The following BRINP1 variants were observed in gnomAD, a reference collection of about 807,000 sequenced individuals.
BRINP1 encodes BMP/retinoic acid inducible neural specific 1, also known as BMP/retinoic acid-inducible neural-specific protein 1.
BRINP1 carries 17 observed loss-of-function variants against 72.9 expected under a neutral mutation model. The ratio of observed to expected loss-of-function variants is 0.23; its 90% CI spans 0.16 to 0.35. The LOEUF (loss-of-function observed/expected upper bound fraction) is 0.35. Among genes scored for constraint, BRINP1 ranks in the 10% least tolerant of loss-of-function variants. The pLI is 1.00. For missense variants in BRINP1, 850 were observed against 1,001.6 expected, an observed-to-expected ratio of 0.85 and a Z score of 2.04; for synonymous variants, 418 against 378.5, an observed-to-expected ratio of 1.10 and a Z score of -1.21.
intron 3 of BRINP1, among the ~76,000 whole-genome samples, 166 bp from the exon 4 acceptor site, chr9:119,242,382 G>T (rs182929538): frequency 6.6e-6 from 1 of 152,208 alleles, no homozygotes; most frequent in Admixed American, 6.5e-5. Context: ...CTGTCTAGAG[G>T]TGGCTGTAAA....
At chr9:119,280,543 CA>C (rs1246402050) in intron 2 of BRINP1, among the ~76,000 whole-genome samples, 1 of 151,948 alleles carries the variant, frequency 6.6e-6, no homozygotes, top group Non-Finnish European at 1.5e-5. Flanking sequence ...CGCACCCAGC[CA>C]AAATATCTAG....
intron 7 of BRINP1, among the ~76,000 whole-genome samples, chr9:119,175,859 C>G (rs541357932): frequency 1.3e-5 from 2 of 152,242 alleles, no homozygotes; most frequent in South Asian, 4.1e-4. Flanking sequence ...AGGGTATATT[C>G]ACTCCAATTT....
intron 7 of BRINP1, among the ~76,000 whole-genome samples, chr9:119,168,918 G>A (rs1401608923): frequency 6.6e-6 from 1 of 152,188 alleles, no homozygotes; most frequent in Admixed American, 6.5e-5. Context: ...GTGGAAGACA[G>A]TGTGGCGATT....
At chr9:119,257,748 T>C (rs1830459330) in intron 2 of BRINP1, among the ~76,000 whole-genome samples, 2 of 151,972 alleles carry the variant, frequency 1.3e-5, no homozygotes, top group Non-Finnish European at 1.5e-5. Context: ...AGAAGGCATT[T>C]CTCTTGCCTG....
At chr9:119,170,794 C>A (rs112474275) in intron 7 of BRINP1, among the ~76,000 whole-genome samples, 34 of 139,418 alleles carry the variant, frequency 2.4e-4, no homozygotes, top group East Asian at 1.6e-3. Context: ...CGGCAGAAAC[C>A]CTACAAGCCA....
At chr9:119,193,617 C>A (rs1166151240) in intron 7 of BRINP1, among the ~76,000 whole-genome samples, 2 of 152,152 alleles carry the variant, frequency 1.3e-5, no homozygotes, top group East Asian at 3.8e-4. Flanking sequence ...ACTATAGTAA[C>A]CATTTTGCTG....
chr9:119,188,216 A>T (rs973457119), intron 7 of BRINP1, among the ~76,000 whole-genome samples: 8 of 152,286 alleles, frequency 5.3e-5, no homozygotes, highest in South Asian at 4.1e-4. Flanking sequence ...CACAAAGCTC[A>T]TAGGTTCCCA....
intron 2 of BRINP1, among the ~76,000 whole-genome samples, chr9:119,296,274 C>T (rs1182458715): frequency 6.6e-6 from 1 of 152,132 alleles, no homozygotes; most frequent in African/African-American, 2.4e-5. Flanking sequence ...AAATGGCCAA[C>T]AGGTACACAA....
intron 2 of BRINP1, among the ~76,000 whole-genome samples, chr9:119,311,824 C>A (rs1831072128): frequency 6.6e-6 from 1 of 152,182 alleles, no homozygotes; most frequent in South Asian, 2.1e-4. Context: ...CAACACTCCA[C>A]ATTTGGAAGC....
chr9:119,347,547 T>C (rs944548832), intron 1 of BRINP1, among the ~76,000 whole-genome samples: 1 of 152,190 alleles, frequency 6.6e-6, no homozygotes, highest in Non-Finnish European at 1.5e-5. Flanking sequence ...CAATCAAACC[T>C]TGATTTCACC....
chr9:119,235,278 C>T (rs1048406064), intron 5 of BRINP1, among the ~76,000 whole-genome samples: 3 of 152,206 alleles, frequency 2.0e-5, no homozygotes, highest in African/African-American at 7.2e-5. Flanking sequence ...CATTAATGTG[C>T]TGCAGAAGCC....
At position 119,368,093 on chromosome 9, in the gene BRINP1, G is replaced by A. The variant is rs558739565; in HGVS notation, c.-51+963C>T. Among the ~76,000 whole-genome samples the A allele has an allele frequency of 6.6e-6, 1 of 152,314 alleles. No individual in the cohort carries two copies. The highest frequency in any genetic ancestry group is 1.9e-4 in the East Asian group (1 of 5,162). On this transcript the variant is annotated intron_variant, in intron 1 of 7. Coordinates refer to ENST00000265922, the MANE Select transcript of BRINP1 (RefSeq NM_014618.3). This position sits in a 1 kb window ranked among gnomAD's most constrained non-coding sequence, Gnocchi z 4.7. ...CTGTGATGGATGAGCAAGTCCCCGA[G>A]GACGCTTTCTCCTTTCCCCTGAGGG... is the stretch of plus-strand genomic sequence containing the variant.
At chr9:119,319,896 C>T (rs974764973) in intron 1 of BRINP1, among the ~76,000 whole-genome samples, 1 of 152,120 alleles carries the variant, frequency 6.6e-6, no homozygotes, top group Non-Finnish European at 1.5e-5. Flanking sequence ...ATCCTGCTCT[C>T]CAGAGATTCA....
At chr9:119,196,682 C>A (rs947511574) in intron 7 of BRINP1, among the ~76,000 whole-genome samples, 3 of 152,148 alleles carry the variant, frequency 2.0e-5, no homozygotes, top group African/African-American at 7.2e-5. Flanking sequence ...TCTCAATAAA[C>A]CTGTGGAGGA....
At chr9:119,294,086 C>T (rs538779018) in intron 2 of BRINP1, among the ~76,000 whole-genome samples, 1 of 152,070 alleles carries the variant, frequency 6.6e-6, no homozygotes, top group Non-Finnish European at 1.5e-5. Flanking sequence ...ACAAAATAAA[C>T]ATACAGAAAT....
At chr9:119,272,502 A>G (rs1830617768) in intron 2 of BRINP1, among the ~76,000 whole-genome samples, 1 of 152,186 alleles carries the variant, frequency 6.6e-6, no homozygotes, top group Non-Finnish European at 1.5e-5. Context: ...GCAGACAACA[A>G]AACTGCTATC....
rs191552945 is a variant in BRINP1, at chr9:119,233,737, A to G, written c.685+4918T>C. On this transcript the variant is annotated intron_variant, in intron 5 of 7. Coordinates refer to ENST00000265922, the MANE Select transcript of BRINP1 (RefSeq NM_014618.3). ...AACACATCCATGTATTACCAACCGG[A>G]TTTAAAAAACAGAACATTACCAATA... is the stretch of plus-strand genomic sequence containing the variant. Among the ~76,000 whole-genome samples the G allele has an allele frequency of 4.3e-3, 659 of 152,344 alleles. 12 individuals are homozygous for G. Among genetic ancestry groups the G allele is most frequent in the Admixed American group, 0.038 (579 of 15,286 alleles).
intron 1 of BRINP1, among the ~76,000 whole-genome samples, chr9:119,354,954 G>C (rs1564256057): frequency 6.6e-6 from 1 of 152,084 alleles, no homozygotes; most frequent in Non-Finnish European, 1.5e-5. Context: ...GCAAAACAGA[G>C]AAAAAAACTA....
chr9:119,358,287 T>C (rs573696556), intron 1 of BRINP1, among the ~76,000 whole-genome samples: 8 of 151,542 alleles, frequency 5.3e-5, no homozygotes, highest in African/African-American at 1.9e-4. Context: ...CCCTGTCTTA[T>C]ACATTAGAAA....
Sources: gnomAD v4.1 joint callset for allele counts (sites outside exome capture counted in the v4.1 genomes callset) on GRCh38, gnomAD v4.1.1 for gene constraint, Gnocchi (gnomAD v3.1) non-coding constraint, MANE v1.5 for transcripts, NCBI Gene and HGNC (gene_info 2026-07-23, HGNC 2026-07-21) for gene names.